ADGRB3: variants seen among roughly 807,000 people sequenced by gnomAD.
The protein encoded by ADGRB3 is adhesion G protein-coupled receptor B3.
A neutral mutation model predicts 193.4 loss-of-function variants in ADGRB3; 37 were observed. The observed-to-expected ratio is 0.19, with a 90% CI of 0.15 to 0.25. The LOEUF is 0.25. ADGRB3 is among the 10% of genes least tolerant of loss of function. The probability of loss-of-function intolerance (pLI) is 1.00; values close to 1 mark genes in which losing one functional copy is unlikely to be tolerated. For missense variants in ADGRB3, 1,637 were observed against 1,852.9 expected, an observed-to-expected ratio of 0.88 and a Z score of 2.14; for synonymous variants, 690 against 644.2, an observed-to-expected ratio of 1.07 and a Z score of -1.08.
intron 13 of ADGRB3, among the ~76,000 whole-genome samples, chr6:69,040,704 A>AAAAAAG (rs1771036644): frequency 9.4e-6 from 1 of 106,538 alleles, no homozygotes; most frequent in South Asian, 2.7e-4. Context: ...AAAAAAAAAA[A>AAAAAAG]AAAAACAAAC....
intron 3 of ADGRB3, among the ~76,000 whole-genome samples, chr6:68,713,269 CT>C (rs1363832155): frequency 2.0e-5 from 3 of 151,848 alleles, no homozygotes; most frequent in African/African-American, 7.2e-5. Context: ...AGATAATGTT[CT>C]TCTGAATCAA....
intron 3 of ADGRB3, among the ~76,000 whole-genome samples, chr6:68,752,907 TAGA>T (rs1766228856): frequency 6.6e-6 from 1 of 152,190 alleles, no homozygotes; most frequent in African/African-American, 2.4e-5. Flanking sequence ...CCTTGGGTCA[TAGA>T]AGAATAGGGT....
At chr6:69,113,932 A>G (rs995953014) in intron 17 of ADGRB3, among the ~76,000 whole-genome samples, 2 of 152,194 alleles carry the variant, frequency 1.3e-5, no homozygotes, top group African/African-American at 2.4e-5. Flanking sequence ...AATGCATATT[A>G]AAACAAAAAT....
intron 3 of ADGRB3, among the ~76,000 whole-genome samples, chr6:68,893,852 T>G (rs1766148857): frequency 2.0e-5 from 3 of 151,978 alleles, no homozygotes. Context: ...TAACCCTAAC[T>G]TTATTCAAAT....
intron 3 of ADGRB3, among the ~76,000 whole-genome samples, chr6:68,753,390 G>A (rs1019458471): frequency 2.0e-5 from 3 of 152,196 alleles, no homozygotes; most frequent in African/African-American, 7.2e-5. Flanking sequence ...CAAGAATTAA[G>A]CCGCGAAGTA....
intron 23 of ADGRB3, 156 bp from the exon 24 acceptor site, chr6:69,332,767 G>C (rs141566392): frequency 1.0e-6 from 1 of 985,260 alleles, no homozygotes; most frequent in African/African-American, 1.7e-5. Flanking sequence ...AAATTGTTCC[G>C]TATGCCTCTG....
At chr6:68,810,550 G>A (rs1429601456) in intron 3 of ADGRB3, among the ~76,000 whole-genome samples, 3 of 152,174 alleles carry the variant, frequency 2.0e-5, no homozygotes, top group Non-Finnish European at 4.4e-5. Flanking sequence ...TTGAATCAGA[G>A]GAAGTCAACG....
chr6:68,888,992 A>G (rs2150228223), intron 3 of ADGRB3, among the ~76,000 whole-genome samples: 1 of 152,308 alleles, frequency 6.6e-6, no homozygotes, highest in East Asian at 1.9e-4. Context: ...CATAAAAGTT[A>G]TGTTCACTGA....
At chr6:68,831,194 G>A (rs780312513) in intron 3 of ADGRB3, among the ~76,000 whole-genome samples, 1 of 151,022 alleles carries the variant, frequency 6.6e-6, no homozygotes, top group Non-Finnish European at 1.5e-5. Context: ...AATAAAAAAC[G>A]TGGTGATGAA....
intron 17 of ADGRB3, among the ~76,000 whole-genome samples, chr6:69,167,345 A>G (rs1200445082): frequency 6.6e-6 from 1 of 152,174 alleles, no homozygotes. Context: ...TTTTAGAACA[A>G]GAAGTGACAT....
chr6:69,040,710 C>CAA (rs1169004559), intron 13 of ADGRB3, among the ~76,000 whole-genome samples: 6 of 50,640 alleles, frequency 1.2e-4, no homozygotes, highest in Non-Finnish European at 2.1e-4. Context: ...AAAAAAAAAA[C>CAA]AAACAAGAAT....
At chr6:69,021,722 G>A (rs1770276806) in intron 13 of ADGRB3, among the ~76,000 whole-genome samples, 2 of 151,838 alleles carry the variant, frequency 1.3e-5, no homozygotes, top group Non-Finnish European at 3.0e-5. Flanking sequence ...TAAAATCTCA[G>A]AAAAGGAGTG....
At chr6:68,728,211 T>A (rs540259198) in intron 3 of ADGRB3, among the ~76,000 whole-genome samples, 3 of 151,522 alleles carry the variant, frequency 2.0e-5, no homozygotes, top group Non-Finnish European at 4.4e-5. Flanking sequence ...AAAGTGCATT[T>A]GATTTCTTTT....
chr6:68,705,377 G>A lies in ADGRB3; in HGVS notation c.757+65945G>A, dbSNP rs564323402. 8.5e-5 allele frequency among the ~76,000 whole-genome samples: 13 copies of A among 152,306 alleles called. No homozygotes were observed. In the South Asian group the frequency reaches 1.0e-3, roughly 12 times the overall value. On this transcript the variant is annotated intron_variant, in intron 3 of 31. Transcript: ENST00000370598. ...TGGAATACTTGACTTAAGTTCTGAA[G>A]CCTCTCTTCTCTAAAAGTCATTGTA...
At chr6:68,803,566 G>C (rs1424186870) in intron 3 of ADGRB3, among the ~76,000 whole-genome samples, 1 of 152,036 alleles carries the variant, frequency 6.6e-6, no homozygotes, top group Non-Finnish European at 1.5e-5. Context: ...TCCCAATCTA[G>C]ACTTTTGCCA....
At chr6:69,221,558 C>T (rs567865553) in intron 17 of ADGRB3, among the ~76,000 whole-genome samples, 1 of 152,184 alleles carries the variant, frequency 6.6e-6, no homozygotes, top group East Asian at 1.9e-4. Context: ...ACTCTTCCCT[C>T]ATTTACCTAA....
At chr6:68,940,546 A>AATTTTTTTTT (rs1199654794) in intron 5 of ADGRB3, among the ~76,000 whole-genome samples, 1 of 21,834 alleles carries the variant, frequency 4.6e-5, no homozygotes, top group Non-Finnish European at 1.3e-4. Context: ...ATGCTTTTGA[A>AATTTTTTTTT]CTTTTTTTTT....
intron 17 of ADGRB3, among the ~76,000 whole-genome samples, chr6:69,231,657 A>G (rs1279073511): frequency 6.6e-6 from 1 of 152,192 alleles, no homozygotes; most frequent in Non-Finnish European, 1.5e-5. Context: ...AGTTGATAAT[A>G]TAACTGCTTT....
At chr6:69,349,086 T>C (rs1235683695) in intron 26 of ADGRB3, among the ~76,000 whole-genome samples, 2 of 152,230 alleles carry the variant, frequency 1.3e-5, no homozygotes, top group African/African-American at 2.4e-5. Context: ...AGCTTCAAGG[T>C]CCTCTTCTGT....
Sources: allele counts gnomAD v4.1 joint callset (sites outside exome capture counted in the v4.1 genomes callset), GRCh38; gene constraint gnomAD v4.1.1; transcripts MANE v1.5; gene names NCBI Gene and HGNC (gene_info 2026-07-23, HGNC 2026-07-21).